Variants in KCNH8 observed in about 807,000 individuals in gnomAD.
KCNH8 encodes voltage-gated delayed rectifier potassium channel KCNH8.
A neutral mutation model predicts 103.6 loss-of-function variants in KCNH8; 70 were observed. The observed-to-expected ratio is 0.68, with a 90% CI of 0.56 to 0.82. The LOEUF (loss-of-function observed/expected upper bound fraction) is 0.82. Among genes scored for constraint, KCNH8 ranks in the 40% least tolerant of loss-of-function variants. The pLI, the probability that KCNH8 is intolerant of heterozygous loss-of-function variation, is 0.00. For missense variants in KCNH8, 1,217 were observed against 1,329.9 expected (o/e 0.92, Z 1.32); for synonymous variants, 498 against 489.4 (o/e 1.02, Z -0.23).
intron 1 of KCNH8, among the ~76,000 whole-genome samples, chr3:19,238,028 G>A (rs933343734): frequency 5.3e-5 from 8 of 152,132 alleles, no homozygotes; most frequent in African/African-American, 1.9e-4. Context: ...GCTTGTGGGG[G>A]ACACAATTCA....
intron 5 of KCNH8, among the ~76,000 whole-genome samples, chr3:19,362,436 A>G (rs1161373402): frequency 6.6e-6 from 1 of 152,130 alleles, no homozygotes; most frequent in African/African-American, 2.4e-5. Context: ...TTCAACTCCC[A>G]GTCTTCAGTG....
intron 11 of KCNH8, among the ~76,000 whole-genome samples, chr3:19,462,552 G>GGT (rs2067654865): frequency 6.6e-6 from 1 of 152,130 alleles, no homozygotes; most frequent in African/African-American, 2.4e-5. Flanking sequence ...CCCTTTGTCA[G>GGT]GTGGGTAGAT....
intron 5 of KCNH8, among the ~76,000 whole-genome samples, chr3:19,373,798 G>C (rs2066143653): frequency 6.6e-6 from 1 of 151,682 alleles, no homozygotes; most frequent in African/African-American, 2.4e-5. Context: ...CAGAGATTCT[G>C]GTATGTTGTG....
chr3:19,275,053 A>C (rs1468742231), intron 2 of KCNH8, among the ~76,000 whole-genome samples: 1 of 151,526 alleles, frequency 6.6e-6, no homozygotes, highest in Non-Finnish European at 1.5e-5. Context: ...TTATTGCTCC[A>C]GTCTTGAACT....
chr3:19,342,641 G>A lies in KCNH8; in HGVS notation c.497G>A (p.Arg166Gln), dbSNP rs762973332. 36 of 1,610,846 alleles carry A rather than the reference G, an allele frequency of 2.2e-5. No individual in the cohort carries two copies. Among genetic ancestry groups the A allele is most frequent in the South Asian group, 1.8e-4 (16 of 91,040 alleles). The change falls in exon 4 of 16, where the codon CGG becomes CAG. Residue 166 changes from arginine (R) to glutamine (Q), a missense_variant. By Grantham distance (43) the Arg-to-Gln change is conservative (BLOSUM62 1). Coordinates refer to ENST00000328405, the MANE Select transcript of KCNH8 (RefSeq NM_144633.3). ...AGTHFDSARRRSRAVLYHISG... is the reference protein window; with the variant it reads ...AGTHFDSARRQSRAVLYHISG... Reference sequence around the variant, plus strand: ...ACCCACTTTGACTCAGCCCGGAGACGGAGTCGAGCAGTCCTTTATCACATC... The same window carrying A: ...ACCCACTTTGACTCAGCCCGGAGACAGAGTCGAGCAGTCCTTTATCACATC...
intron 11 of KCNH8, among the ~76,000 whole-genome samples, chr3:19,502,742 G>C (rs1377822460): frequency 2.0e-5 from 3 of 147,780 alleles, no homozygotes; most frequent in African/African-American, 7.4e-5. Context: ...AGCTGAAACT[G>C]GATCCCTTCC....
chr3:19,289,221 T>C (rs571775491), intron 3 of KCNH8, among the ~76,000 whole-genome samples: 52 of 152,146 alleles, frequency 3.4e-4, no homozygotes, highest in South Asian at 2.3e-3. Flanking sequence ...GCAGAAGCTC[T>C]TTAGTTTAAT....
At chr3:19,404,030 C>T (rs569362283) in intron 7 of KCNH8, among the ~76,000 whole-genome samples, 36 of 152,006 alleles carry the variant, frequency 2.4e-4, no homozygotes, top group African/African-American at 8.4e-4. Context: ...AATGTATTTT[C>T]AATTTCTTAC....
chr3:19,488,394 G>C lies in KCNH8; in HGVS notation c.2041-21969G>C, dbSNP rs993263369. Among the ~76,000 whole-genome samples, 25 of 152,158 alleles carry C rather than the reference G, an allele frequency of 1.6e-4. 1 individual carries two copies. The highest frequency in any genetic ancestry group is 7.9e-4 in the Admixed American group (12 of 15,272). ...CATCTTTGTTCACAAACAAACACTT[G>C]ATTGGCTATTTCCAGTAATGGCGAG... is the stretch of plus-strand genomic sequence containing the variant. On this transcript the variant is annotated intron_variant, in intron 11 of 15. Transcript: ENST00000328405.
intron 11 of KCNH8, among the ~76,000 whole-genome samples, chr3:19,467,465 A>G (rs1559341335): frequency 6.6e-6 from 1 of 152,172 alleles, no homozygotes; most frequent in Non-Finnish European, 1.5e-5. Flanking sequence ...TTTGACAGTC[A>G]TGCAACTTGG....
intron 11 of KCNH8, among the ~76,000 whole-genome samples, chr3:19,482,133 T>C (rs536854590): frequency 2.9e-4 from 44 of 152,294 alleles, no homozygotes; most frequent in Admixed American, 2.0e-4. Flanking sequence ...GGGGGCTGCA[T>C]GCACCTGCAC....
chr3:19,212,060 C>G (rs762984238), intron 1 of KCNH8, among the ~76,000 whole-genome samples: 3 of 151,808 alleles, frequency 2.0e-5, no homozygotes, highest in Non-Finnish European at 2.9e-5. Context: ...TCAGGGAATG[C>G]TAGACTCATG....
At chr3:19,298,750 G>A (rs1439453231) in intron 3 of KCNH8, among the ~76,000 whole-genome samples, 2 of 151,700 alleles carry the variant, frequency 1.3e-5, no homozygotes, top group East Asian at 1.9e-4. Context: ...GTGAAACCCC[G>A]TCTCTACTAA....
At chr3:19,483,413 T>C (rs1295232261) in intron 11 of KCNH8, among the ~76,000 whole-genome samples, 1 of 152,140 alleles carries the variant, frequency 6.6e-6, no homozygotes, top group Admixed American at 6.6e-5. Flanking sequence ...TTTTTTTTTC[T>C]AGCTATGCAA....
At chr3:19,281,123 A>G in intron 2 of KCNH8, 75 bp from the exon 3 acceptor site, 1 of 1,475,468 alleles carries the variant, frequency 6.8e-7, no homozygotes. Context: ...TTTATTTTTT[A>G]TTGATGATTG....
chr3:19,469,361 G>C (rs2067806869), intron 11 of KCNH8, among the ~76,000 whole-genome samples: 1 of 152,168 alleles, frequency 6.6e-6, no homozygotes, highest in South Asian at 2.1e-4. Context: ...GAAAATGTTA[G>C]ATAGGAAAAG....
chr3:19,294,853 A>T (rs1270152581), intron 3 of KCNH8, among the ~76,000 whole-genome samples: 2 of 152,144 alleles, frequency 1.3e-5, no homozygotes, highest in African/African-American at 4.8e-5. Flanking sequence ...GAAAAATTTA[A>T]AATATCTGCA....
At chr3:19,350,028 C>T (rs2065778696) in intron 5 of KCNH8, among the ~76,000 whole-genome samples, 1 of 152,102 alleles carries the variant, frequency 6.6e-6, no homozygotes, top group East Asian at 1.9e-4. Flanking sequence ...TGTTGACCAA[C>T]TTATTTTTAT....
At chr3:19,424,514 TATAAC>T (rs1456345762) in intron 7 of KCNH8, among the ~76,000 whole-genome samples, 6 of 152,098 alleles carry the variant, frequency 3.9e-5, no homozygotes, top group Non-Finnish European at 8.8e-5. Flanking sequence ...AATTCTATAA[TATAAC>T]ATCAGAAAAA....
Sources: allele counts gnomAD v4.1 joint callset (sites outside exome capture counted in the v4.1 genomes callset), GRCh38; gene constraint gnomAD v4.1.1; transcripts MANE v1.5; gene names NCBI Gene and HGNC (gene_info 2026-07-23, HGNC 2026-07-21).